Variants in PALM2AKAP2 observed in about 807,000 individuals in gnomAD.
PALM2AKAP2 encodes the protein PALM2-AKAP2 fusion protein.
In PALM2AKAP2, 37 loss-of-function variants were observed where a neutral mutation model predicts 71.5. That is an observed-to-expected ratio of 0.52 (90% CI 0.40 to 0.68). The LOEUF (loss-of-function observed/expected upper bound fraction) is 0.68, where lower values mean the gene tolerates loss of function less well. Among genes scored for constraint, PALM2AKAP2 ranks in the 30% least tolerant of loss-of-function variants. The probability of loss-of-function intolerance (pLI) is 0.00; values close to 1 mark genes in which losing one functional copy is unlikely to be tolerated. For missense variants in PALM2AKAP2, 1,224 were observed against 1,191.8 expected, an observed-to-expected ratio of 1.03 and a Z score of -0.40; for synonymous variants, 468 against 478.8, an observed-to-expected ratio of 0.98 and a Z score of 0.29.
intron 1 of PALM2AKAP2, among the ~76,000 whole-genome samples, chr9:109,771,287 G>C (rs1011200591): frequency 1.3e-5 from 2 of 152,234 alleles, no homozygotes; most frequent in African/African-American, 4.8e-5. Flanking sequence ...CTGGAACTCT[G>C]TGAAGTTAAC....
chr9:109,862,698 C>T (rs937581215), intron 1 of PALM2AKAP2, among the ~76,000 whole-genome samples: 3 of 152,168 alleles, frequency 2.0e-5, no homozygotes, highest in African/African-American at 7.2e-5. Flanking sequence ...GAGCCATTTA[C>T]AGTGAGGGTA....
chr9:109,815,319 TATACATGTGAGA>T (rs1378117128), intron 1 of PALM2AKAP2, among the ~76,000 whole-genome samples: 1 of 152,220 alleles, frequency 6.6e-6, no homozygotes, highest in African/African-American at 2.4e-5. Context: ...ACCTTCGGAA[TATACATGTGAGA>T]TGCCTGATAG....
rs138512580 is a variant in PALM2AKAP2, at chr9:109,881,492, G to A, written c.257+811G>A. ...CAGTCTTGGGATTGAAATGAAGAGT[G>A]TGGAAGTGCTGAGTGAGAGCACCTC... On this transcript the variant is annotated intron_variant, in intron 3 of 9. Coordinates refer to the PALM2AKAP2 transcript ENST00000302798. 4.3e-3 allele frequency among the ~76,000 whole-genome samples: 660 copies of A among 152,324 alleles called. 3 individuals are homozygous for A. Among genetic ancestry groups the A allele is most frequent in the African/African-American group, 0.015 (606 of 41,566 alleles).
exon 4 of PALM2AKAP2, chr9:110,171,201 G>A (rs963899577): frequency 2.6e-5 from 4 of 152,206 alleles, no homozygotes; most frequent in East Asian, 1.9e-4. Flanking sequence ...CACTATTCGC[G>A]GAATGGCTTT....
At chr9:109,735,923 C>T (rs964461939) in intron 1 of PALM2AKAP2, among the ~76,000 whole-genome samples, 1 of 152,216 alleles carries the variant, frequency 6.6e-6, no homozygotes, top group Non-Finnish European at 1.5e-5. Context: ...CTCTCGTTCT[C>T]AGATGTTAAG....
chr9:110,070,389 TATTTTAAAAAGA>T (rs1221699647), intron 1 of PALM2AKAP2, among the ~76,000 whole-genome samples: 4 of 152,232 alleles, frequency 2.6e-5, no homozygotes, highest in African/African-American at 4.8e-5. Context: ...GAACAATGAC[TATTTTAAAAAGA>T]ATTTTAAAAA....
intron 6 of PALM2AKAP2, among the ~76,000 whole-genome samples, chr9:109,958,152 A>C (rs573653733): frequency 6.6e-6 from 1 of 152,212 alleles, no homozygotes; most frequent in East Asian, 1.9e-4. Flanking sequence ...ATTGAAAAAA[A>C]AAAACAGCAG....
At chr9:110,057,578 C>G (rs1183637345) in intron 1 of PALM2AKAP2, among the ~76,000 whole-genome samples, 1 of 151,984 alleles carries the variant, frequency 6.6e-6, no homozygotes. Flanking sequence ...CGGGGTTTCA[C>G]TGTGTTAGCC....
chr9:109,898,587 C>T (rs1830258563), intron 3 of PALM2AKAP2, among the ~76,000 whole-genome samples: 1 of 152,164 alleles, frequency 6.6e-6, no homozygotes, highest in Non-Finnish European at 1.5e-5. Context: ...TTTAAGAAAT[C>T]AATCTGAAGA....
chr9:110,031,184 G>T (rs34223397), intron 7 of PALM2AKAP2, among the ~76,000 whole-genome samples: 1 of 151,980 alleles, frequency 6.6e-6, no homozygotes, highest in East Asian at 1.9e-4. Flanking sequence ...GTGCAGTGGC[G>T]CCATCTTGGC....
At chr9:110,111,825 G>A (rs1835261043) in intron 1 of PALM2AKAP2, among the ~76,000 whole-genome samples, 1 of 152,088 alleles carries the variant, frequency 6.6e-6, no homozygotes. Flanking sequence ...CAACGTTTTG[G>A]TTCCAGCTGC....
chr9:109,748,729 G>A (rs1426444088), intron 1 of PALM2AKAP2, among the ~76,000 whole-genome samples: 1 of 152,142 alleles, frequency 6.6e-6, no homozygotes, highest in African/African-American at 2.4e-5. Flanking sequence ...CAAAGTACCA[G>A]AGACTGGGTG....
At chr9:109,817,924 A>T (rs1250029755) in intron 1 of PALM2AKAP2, among the ~76,000 whole-genome samples, 1 of 152,184 alleles carries the variant, frequency 6.6e-6, no homozygotes, top group African/African-American at 2.4e-5. Flanking sequence ...CCTTTTTGTG[A>T]TATGCAGCAA....
chr9:109,791,751 A>C (rs967188651), intron 1 of PALM2AKAP2, among the ~76,000 whole-genome samples: 1 of 152,162 alleles, frequency 6.6e-6, no homozygotes, highest in Non-Finnish European at 1.5e-5. Flanking sequence ...GGGGACAGAG[A>C]GTGCTCAACT....
chr9:109,923,777 G>A lies in PALM2AKAP2; in HGVS notation c.300G>A (p.Gln100=), dbSNP rs374973856. ...AAACGCTAGAAAGTGAAGAGTCCCA[G>A]ATATCTGCCAAAGAGCAAATCATCC... Residue 100 remains glutamine, a synonymous_variant, in exon 4 of 10, where the codon CAG becomes CAA. Transcript: ENST00000302798. 21 of 1,605,770 alleles carry A rather than the reference G, an allele frequency of 1.3e-5. No homozygotes were observed. The African/African-American group carries it at 2.4e-4, about 19-fold the overall frequency.
chr9:109,905,545 C>T (rs577976716), intron 3 of PALM2AKAP2, among the ~76,000 whole-genome samples: 10 of 152,244 alleles, frequency 6.6e-5, no homozygotes, highest in African/African-American at 2.2e-4. Context: ...GCGATCTACC[C>T]GCAGCACATG....
intron 6 of PALM2AKAP2, among the ~76,000 whole-genome samples, chr9:109,992,224 C>T: frequency 6.6e-6 from 1 of 152,176 alleles, no homozygotes; most frequent in East Asian, 1.9e-4. Context: ...TAACTGTCAT[C>T]TCTGCCTCTG....
intron 2 of PALM2AKAP2, among the ~76,000 whole-genome samples, chr9:109,878,820 C>A (rs549670186): frequency 1.3e-5 from 2 of 152,346 alleles, no homozygotes; most frequent in South Asian, 2.1e-4. Context: ...CCACTGCAAC[C>A]TCTGCCCCCC....
At chr9:110,047,508 C>T (rs929122261), upstream of PALM2AKAP2, among the ~76,000 whole-genome samples, 3 of 152,190 alleles carry the variant, frequency 2.0e-5, no homozygotes, top group African/African-American at 7.2e-5. Context: ...CTGTGTTTCA[C>T]ATGTAAAATT....
Sources: gnomAD v4.1 joint callset for allele counts (sites outside exome capture counted in the v4.1 genomes callset) on GRCh38, gnomAD v4.1.1 for gene constraint, MANE v1.5 for transcripts, NCBI Gene and HGNC (gene_info 2026-07-23, HGNC 2026-07-21) for gene names.